Variants in FHOD3 observed in about 807,000 individuals in gnomAD.
FHOD3 encodes the protein formin homology 2 domain containing 3.
A neutral mutation model predicts 173.0 loss-of-function variants in FHOD3; 90 were observed. That is an observed-to-expected ratio of 0.52 (90% CI 0.44 to 0.62). The LOEUF (loss-of-function observed/expected upper bound fraction) is 0.62, where lower values mean the gene tolerates loss of function less well. FHOD3 is among the 20% of genes least tolerant of loss of function. FHOD3 has a pLI of 0.00. For missense variants in FHOD3, 1,945 were observed against 2,034.7 expected (o/e 0.96, Z 0.85); for synonymous variants, 828 against 823.0 (o/e 1.01, Z -0.10).
chr18:36,578,348 C>T (rs2058731289), intron 6 of FHOD3, among the ~76,000 whole-genome samples: 3 of 152,150 alleles, frequency 2.0e-5, no homozygotes, highest in African/African-American at 7.2e-5. Flanking sequence ...ACCATCAGAT[C>T]TCAGAAGACT....
chr18:36,482,858 C>CACACACACACACAGAG (rs1400178557), intron 3 of FHOD3, among the ~76,000 whole-genome samples: 97 of 130,450 alleles, frequency 7.4e-4, no homozygotes, highest in African/African-American at 2.8e-3. Flanking sequence ...CACACACACA[C>CACACACACACACAGAG]AGAGAGAGAG....
chr18:36,665,213 A>T (rs2037097715), intron 14 of FHOD3, among the ~76,000 whole-genome samples: 1 of 152,238 alleles, frequency 6.6e-6, no homozygotes. Context: ...ATGGAAGGAT[A>T]CTGAGTTTCC....
chr18:36,582,528 A>G (rs993269669), intron 6 of FHOD3, among the ~76,000 whole-genome samples: 1 of 152,182 alleles, frequency 6.6e-6, no homozygotes, highest in Non-Finnish European at 1.5e-5. Context: ...TCGGACATGC[A>G]TTACCTGTCA....
rs76182019 is a variant in FHOD3, at chr18:36,364,013, G to T, written c.272+8368G>T. On this transcript the variant is annotated intron_variant, in intron 2 of 28. Transcript: ENST00000590592. ...TATACAGTTTCAAGTACAATATGTTGATTCCATGATACTCTTAGGAACCTG... is the reference window on the plus strand; with the variant it reads ...TATACAGTTTCAAGTACAATATGTTTATTCCATGATACTCTTAGGAACCTG... Among the ~76,000 whole-genome samples the T allele has an allele frequency of 7.1e-3, 1,085 of 152,214 alleles. 12 individuals carry two copies. Among genetic ancestry groups the T allele is most frequent in the African/African-American group, 0.025 (1,046 of 41,536 alleles).
chr18:36,463,577 C>T (rs2052718091), intron 3 of FHOD3, among the ~76,000 whole-genome samples: 1 of 145,710 alleles, frequency 6.9e-6, no homozygotes, highest in Non-Finnish European at 1.5e-5. Flanking sequence ...CGGCTTACTG[C>T]AACCTCTGTC....
chr18:36,744,332 T>C (rs1279177284), intron 23 of FHOD3, 139 bp downstream of exon 23: 8 of 837,262 alleles, frequency 9.6e-6, no homozygotes, highest in African/African-American at 3.4e-5. Context: ...AGTTTATGAA[T>C]ATGATTTGTT....
intron 28 of FHOD3, among the ~76,000 whole-genome samples, chr18:36,771,069 C>A (rs1472183755): frequency 3.3e-5 from 5 of 152,116 alleles, no homozygotes; most frequent in Admixed American, 6.5e-5. Context: ...ACTATGAATT[C>A]TTTGCTGTCT....
chr18:36,432,311 A>C (rs1422197970), intron 3 of FHOD3, among the ~76,000 whole-genome samples: 2 of 152,222 alleles, frequency 1.3e-5, no homozygotes, highest in African/African-American at 4.8e-5. Context: ...TTTATTTAAA[A>C]AAAAATTTAA....
intron 1 of FHOD3, among the ~76,000 whole-genome samples, chr18:36,301,973 C>T (rs1041018639): frequency 6.6e-6 from 1 of 152,162 alleles, no homozygotes. Context: ...GAGAACCATC[C>T]TAGAGGGACA....
chr18:36,386,515 T>G (rs995797803), intron 3 of FHOD3, among the ~76,000 whole-genome samples: 7 of 152,228 alleles, frequency 4.6e-5, no homozygotes, highest in Non-Finnish European at 7.3e-5. Context: ...TGGAGCTGTC[T>G]TGGCTTGGAA....
At chr18:36,423,148 T>C (rs2050072440) in intron 3 of FHOD3, among the ~76,000 whole-genome samples, 1 of 151,806 alleles carries the variant, frequency 6.6e-6, no homozygotes, top group Non-Finnish European at 1.5e-5. Context: ...AAATCCTCAT[T>C]CTGCTATGCT....
In FHOD3 at chr18:36,503,333, C is replaced by T. The variant is rs1366638721; in HGVS notation, c.405+1334C>T. ...TTACATTCTACTTCTTTTCAGTTCC[C>T]ATCTCATCTACATCCTTAAAAGATT... is the stretch of plus-strand genomic sequence containing the variant. On this transcript the variant is annotated intron_variant, in intron 4 of 28. Coordinates refer to ENST00000590592, the MANE Select transcript of FHOD3 (RefSeq NM_001281740.3). Among the ~76,000 whole-genome samples the T allele has an allele frequency of 2.0e-5, 3 of 152,266 alleles. No individual in the cohort carries two copies. The South Asian group carries it at 6.2e-4, about 32-fold the overall frequency.
chr18:36,436,687 G>A (rs1296252369), intron 3 of FHOD3, among the ~76,000 whole-genome samples: 1 of 152,090 alleles, frequency 6.6e-6, no homozygotes, highest in Non-Finnish European at 1.5e-5. Context: ...TCTATGTTTA[G>A]GAAATGTATG....
rs184056263 is a variant in FHOD3, at chr18:36,368,126, A to G, written c.273-4554A>G. Among the ~76,000 whole-genome samples the G allele has an allele frequency of 8.6e-5, 13 of 151,990 alleles. No homozygotes were observed. In the East Asian group the frequency reaches 1.9e-3, roughly 23 times the overall value. On this transcript the variant is annotated intron_variant, in intron 2 of 28. Coordinates refer to ENST00000590592, the MANE Select transcript of FHOD3 (RefSeq NM_001281740.3). The stretch of plus-strand genomic sequence containing the variant: ...TTCTCTCTCTCTCTCTCTCTCATCT[A>G]TGTAATCTATCTATCTAGAAATATT...
At chr18:36,541,458 G>A (rs1270756950) in intron 5 of FHOD3, among the ~76,000 whole-genome samples, 1 of 152,060 alleles carries the variant, frequency 6.6e-6, no homozygotes, top group Non-Finnish European at 1.5e-5. Context: ...TCAGGAGGCT[G>A]AGGCACCAGG....
At chr18:36,539,995 G>A (rs1038203805) in intron 5 of FHOD3, among the ~76,000 whole-genome samples, 11 of 152,256 alleles carry the variant, frequency 7.2e-5, no homozygotes, top group East Asian at 1.9e-4. Flanking sequence ...GCTTCATGTC[G>A]CCTGTATTTA....
intron 7 of FHOD3, among the ~76,000 whole-genome samples, chr18:36,599,462 G>A (rs1025889949): frequency 6.6e-6 from 1 of 152,132 alleles, no homozygotes; most frequent in Admixed American, 6.5e-5. Context: ...AAAGTGTAGT[G>A]GAAGCTACAG....
chr18:36,628,164 C>T (rs1408793511), intron 10 of FHOD3, among the ~76,000 whole-genome samples: 1 of 152,216 alleles, frequency 6.6e-6, no homozygotes, highest in Non-Finnish European at 1.5e-5. Flanking sequence ...TTGAATTTAA[C>T]TCTCACGATC....
At chr18:36,681,401 C>T in intron 14 of FHOD3, 35 bp from the exon 15 acceptor site, 1 of 1,611,560 alleles carries the variant, frequency 6.2e-7, no homozygotes, top group Non-Finnish European at 8.5e-7. Flanking sequence ...AATCACAGGC[C>T]AAGCAACTGA....
Sources: allele counts gnomAD v4.1 joint callset (sites outside exome capture counted in the v4.1 genomes callset), GRCh38; gene constraint gnomAD v4.1.1; transcripts MANE v1.5; gene names NCBI Gene and HGNC (gene_info 2026-07-23, HGNC 2026-07-21).